INVS: variants seen among roughly 807,000 people sequenced by gnomAD.
INVS encodes the protein inversion of embryo turning homolog.
In INVS, 86 loss-of-function variants were observed where a neutral mutation model predicts 108.8. The ratio of observed to expected loss-of-function variants is 0.79; its 90% CI spans 0.66 to 0.95. The LOEUF (loss-of-function observed/expected upper bound fraction) is 0.95. Among genes scored for constraint, INVS ranks in the 40% least tolerant of loss-of-function variants. The pLI, the probability that INVS is intolerant of heterozygous loss-of-function variation, is 0.00. For synonymous variants in INVS, 455 were observed against 473.5 expected (o/e 0.96, Z 0.51); for missense variants, 1,169 against 1,297.4 (o/e 0.90, Z 1.52).
chr9:100,179,168 C>T (rs1829805899), intron 3 of INVS, among the ~76,000 whole-genome samples: 1 of 152,168 alleles, frequency 6.6e-6, no homozygotes, highest in Admixed American at 6.6e-5. Flanking sequence ...AAACTGGTTG[C>T]AGCCACTGCA....
In INVS at chr9:100,264,947, T is replaced by A; in HGVS notation, c.1571+19T>A. 1 of 1,442,946 alleles carries A rather than the reference T, an allele frequency of 6.9e-7. No individual in the cohort carries two copies. Among genetic ancestry groups the A allele is most frequent in the Non-Finnish European group, 9.6e-7 (1 of 1,038,564 alleles). The allele number at this position is 1,442,946 out of a possible 1,614,324, so 89.4% of individuals were successfully genotyped here. ...AAGAGAGGTAAGTTGTTGTTGACTTTTTTTTTTTTTTTTGAGATGGCTTCT... is the reference window on the plus strand; with the variant it reads ...AAGAGAGGTAAGTTGTTGTTGACTTATTTTTTTTTTTTTGAGATGGCTTCT... On this transcript the variant is annotated intron_variant, in intron 11 of 16. Coordinates refer to ENST00000262457, the MANE Select transcript of INVS (RefSeq NM_014425.5).
chr9:100,186,880 T>A (rs1172940345), intron 3 of INVS, among the ~76,000 whole-genome samples: 1 of 152,056 alleles, frequency 6.6e-6, no homozygotes, highest in Admixed American at 6.5e-5. Context: ...GTCTCATTTA[T>A]TTTTGTTTTT....
At position 100,296,955 on chromosome 9, in the gene INVS, T is replaced by C; in HGVS notation, c.2825T>C (p.Met942Thr). ...LRKHLSHLRH[M>T]KQLGAGDVDR... The stretch of plus-strand genomic sequence containing the variant: ...AAGCACCTGTCCCACCTTCGGCATA[T>C]GAAGCAGCTTGGAGCTGGAGATGTG... The change falls in exon 15 of 17, where the codon ATG becomes ACG. Residue 942 changes from methionine to threonine, a missense_variant. Physicochemically the swap from Met to Thr is moderately conservative, Grantham distance 81. Around this residue, in one of 3 missense-constraint regions of INVS, gnomAD observed 533 missense variants for 536.0 expected, o/e 0.99. Coordinates refer to ENST00000262457, the MANE Select transcript of INVS (RefSeq NM_014425.5). 3.7e-6 allele frequency: 6 copies of C among 1,614,104 alleles called. No individual in the cohort carries two copies. The highest frequency in any genetic ancestry group is 5.1e-6 in the Non-Finnish European group (6 of 1,180,000).
chr9:100,172,041 G>A (rs1357757011), intron 3 of INVS, among the ~76,000 whole-genome samples: 1 of 151,940 alleles, frequency 6.6e-6, no homozygotes, highest in Non-Finnish European at 1.5e-5. Flanking sequence ...CTTTGATTAT[G>A]TTAAGGGACA....
chr9:100,300,951 A>G lies in INVS; in HGVS notation c.*277A>G. ...AGTGTCTGCTTTCACCTCAGTCTGT[A>G]CAGTTGGAAATGAGAATTCATAATT... is the stretch of plus-strand genomic sequence containing the variant. On this transcript the variant is annotated 3_prime_UTR_variant, in exon 17 of 17. Transcript: ENST00000262457. The G allele has an allele frequency of 2.2e-6, 1 of 447,386 alleles. No homozygotes were observed. Among genetic ancestry groups the G allele is most frequent in the Non-Finnish European group, 4.1e-6 (1 of 246,526 alleles). The allele number at this position is 447,386 out of a possible 1,614,324, so 27.7% of individuals were successfully genotyped here.
intron 8 of INVS, 25 bp downstream of exon 8, chr9:100,246,812 T>G: frequency 1.2e-6 from 2 of 1,605,874 alleles, no homozygotes; most frequent in Non-Finnish European, 1.7e-6. Flanking sequence ...ACACATTCAA[T>G]TTGCTTTCAT....
At chr9:100,247,448 G>T (rs770993921) in intron 8 of INVS, among the ~76,000 whole-genome samples, 4 of 152,088 alleles carry the variant, frequency 2.6e-5, no homozygotes, top group Non-Finnish European at 5.9e-5. Flanking sequence ...CTTGTGTACT[G>T]TATCGTACTT....
At chr9:100,150,108 A>G (rs1014806691) in intron 3 of INVS, among the ~76,000 whole-genome samples, 12 of 152,296 alleles carry the variant, frequency 7.9e-5, no homozygotes, top group Middle Eastern at 3.4e-3. Context: ...TTTCTTTCTC[A>G]TAGGTCAGAT....
chr9:100,262,238 CAAA>C (rs71370986), intron 10 of INVS, among the ~76,000 whole-genome samples: 1 of 146,728 alleles, frequency 6.8e-6, no homozygotes. Flanking sequence ...CTAACCTTGT[CAAA>C]AAAAAAAAGT....
intron 3 of INVS, among the ~76,000 whole-genome samples, chr9:100,189,665 T>A (rs534290711): frequency 5.4e-4 from 83 of 152,330 alleles, no homozygotes; most frequent in Non-Finnish European, 9.6e-4. Flanking sequence ...TAGTGAGACT[T>A]ATTTTGTTGC....
intron 3 of INVS, among the ~76,000 whole-genome samples, chr9:100,178,530 A>T (rs1027764900): frequency 4.6e-5 from 7 of 152,242 alleles, no homozygotes; most frequent in Non-Finnish European, 7.3e-5. Flanking sequence ...AAATCGAAGA[A>T]AGAATATCAG....
At chr9:100,120,213 G>A (rs1827682611) in intron 2 of INVS, among the ~76,000 whole-genome samples, 1 of 152,110 alleles carries the variant, frequency 6.6e-6, no homozygotes, top group Non-Finnish European at 1.5e-5. Flanking sequence ...TTAAAAAGTA[G>A]AGCTAAAGTA....
chr9:100,129,256 T>C (rs1370091335), intron 3 of INVS, among the ~76,000 whole-genome samples: 1 of 147,294 alleles, frequency 6.8e-6, no homozygotes, highest in African/African-American at 2.5e-5. Flanking sequence ...CCAAGGTGGG[T>C]GGATCACTTG....
chr9:100,232,130 G>GT (rs1483376132), intron 5 of INVS, among the ~76,000 whole-genome samples: 2 of 151,632 alleles, frequency 1.3e-5, no homozygotes, highest in South Asian at 2.1e-4. Context: ...TTTTTCATAT[G>GT]TTTTTTGGCC....
At chr9:100,197,826 A>C (rs185986606) in intron 3 of INVS, among the ~76,000 whole-genome samples, 22 of 152,334 alleles carry the variant, frequency 1.4e-4, no homozygotes, top group Middle Eastern at 3.4e-3. Flanking sequence ...GGTAGGTCAG[A>C]GAATTTCTTT....
chr9:100,271,592 G>C (rs1052853484), intron 11 of INVS, among the ~76,000 whole-genome samples: 5 of 152,214 alleles, frequency 3.3e-5, no homozygotes, highest in Admixed American at 6.5e-5. Context: ...AGAAGTTAAA[G>C]TAGTATATGA....
rs1194176892 is a variant in INVS, at chr9:100,292,988, G to C, written c.2731G>C (p.Glu911Gln). ...AATTCAGAGAGAACGAAGGAGGAAG[G>C]AGCTGTTTCGCAAAAAGAACAAGGC... is the stretch of plus-strand genomic sequence containing the variant. The part of the protein sequence containing the change: ...QIIQRERRRK[E>Q]LFRKKNKAAA... Residue 911 changes from glutamate to glutamine, a missense_variant, in exon 14 of 17, where the codon GAG (glutamate) becomes CAG (glutamine). This residue lies in a region of INVS where 533 missense variants were observed against 536.0 expected (regional missense o/e 0.99). Coordinates refer to ENST00000262457, the MANE Select transcript of INVS (RefSeq NM_014425.5). The C allele has an allele frequency of 1.9e-6, 3 of 1,613,918 alleles. No homozygotes were observed. Among genetic ancestry groups the C allele is most frequent in the Non-Finnish European group, 8.5e-7 (1 of 1,179,788 alleles).
chr9:100,252,859 T>G, intron 9 of INVS, 48 bp from the exon 10 acceptor site: 6 of 1,344,528 alleles, frequency 4.5e-6, no homozygotes, highest in Non-Finnish European at 6.4e-6. Flanking sequence ...CTCATTTTAA[T>G]AAAAGCTATT....
At chr9:100,154,950 C>A (rs962674052) in intron 3 of INVS, among the ~76,000 whole-genome samples, 1 of 152,004 alleles carries the variant, frequency 6.6e-6, no homozygotes, top group Non-Finnish European at 1.5e-5. Flanking sequence ...CAGTGGCTCA[C>A]GCCTGTAATC....
Sources: allele counts gnomAD v4.1 joint callset (sites outside exome capture counted in the v4.1 genomes callset), GRCh38; gene constraint gnomAD v4.1.1; regional missense constraint gnomAD v4.1.1; transcripts MANE v1.5; gene names NCBI Gene and HGNC (gene_info 2026-07-23, HGNC 2026-07-21).